Variants in PDSS2 observed in about 807,000 individuals in gnomAD.
PDSS2 encodes the protein all trans-polyprenyl-diphosphate synthase PDSS2.
In PDSS2, 31 loss-of-function variants were observed where a neutral mutation model predicts 44.5. The ratio of observed to expected loss-of-function variants is 0.70; its 90% CI spans 0.52 to 0.94. The LOEUF (loss-of-function observed/expected upper bound fraction) is 0.94, where lower values mean the gene tolerates loss of function less well. PDSS2 is among the 40% of genes least tolerant of loss of function. The pLI is 0.00. For synonymous variants in PDSS2, 157 were observed against 180.3 expected (o/e 0.87, Z 1.03); for missense variants, 452 against 482.2 (o/e 0.94, Z 0.59).
At chr6:107,429,937 T>TATATATATATATATATATATAC (rs1316596170) in intron 1 of PDSS2, among the ~76,000 whole-genome samples, 3 of 99,650 alleles carry the variant, frequency 3.0e-5, no homozygotes, top group East Asian at 3.1e-4. Flanking sequence ...TATATATATA[T>TATATATATATATATATATATAC]ACACCAAACC....
At chr6:107,355,612 G>A (rs1778575679) in intron 1 of PDSS2, among the ~76,000 whole-genome samples, 1 of 152,190 alleles carries the variant, frequency 6.6e-6, no homozygotes, top group Admixed American at 6.5e-5. Context: ...GAATACCTGA[G>A]TGATTCCACA....
chr6:107,279,273 G>A (rs374060570), intron 2 of PDSS2, among the ~76,000 whole-genome samples: 1 of 152,126 alleles, frequency 6.6e-6, no homozygotes. Context: ...ATAGTAGATC[G>A]TTGGGGAGGG....
intron 1 of PDSS2, among the ~76,000 whole-genome samples, chr6:107,445,367 A>T (rs914121981): frequency 5.3e-5 from 8 of 152,116 alleles, no homozygotes; most frequent in African/African-American, 1.9e-4. Flanking sequence ...GGACAAGTCC[A>T]CTATCCCTCA....
intron 2 of PDSS2, among the ~76,000 whole-genome samples, chr6:107,307,158 T>C (rs1582920197): frequency 6.6e-6 from 1 of 152,244 alleles, no homozygotes; most frequent in Non-Finnish European, 1.5e-5. Flanking sequence ...AAATGTACTT[T>C]AGAAGGATGT....
Position 107,430,008 on chromosome 6 carries a change from G to A in PDSS2, c.296+28982C>T, listed in dbSNP as rs181667212. On this transcript the variant is annotated intron_variant, in intron 1 of 7. Transcript: ENST00000369037. ...AATGTCTCCCCTTTACTCTTGACAA[G>A]GGTAATACCTTATTCATTGCTAAAA... is the stretch of plus-strand genomic sequence containing the variant. Among the ~76,000 whole-genome samples the A allele has an allele frequency of 5.9e-4, 85 of 144,980 alleles. 2 individuals carry two copies. In the East Asian group the frequency reaches 5.9e-3, roughly 10 times the overall value.
intron 3 of PDSS2, among the ~76,000 whole-genome samples, chr6:107,273,608 C>T (rs949651534): frequency 4.0e-5 from 6 of 151,824 alleles, no homozygotes; most frequent in East Asian, 3.9e-4. Flanking sequence ...ATTAAAAAAC[C>T]TTATACATAG....
At chr6:107,255,609 A>C (rs1387122185) in intron 3 of PDSS2, among the ~76,000 whole-genome samples, 3 of 152,024 alleles carry the variant, frequency 2.0e-5, no homozygotes, top group Non-Finnish European at 4.4e-5. Context: ...CAAAAAAAAA[A>C]AAAAACAAAC....
At chr6:107,423,711 C>A (rs1292623231) in intron 1 of PDSS2, among the ~76,000 whole-genome samples, 1 of 152,128 alleles carries the variant, frequency 6.6e-6, no homozygotes, top group Non-Finnish European at 1.5e-5. Flanking sequence ...ATGCTGAAAT[C>A]ATCAAGAAGC....
intron 1 of PDSS2, among the ~76,000 whole-genome samples, chr6:107,342,596 CATT>C (rs1778115371): frequency 6.6e-6 from 1 of 152,086 alleles, no homozygotes; most frequent in South Asian, 2.1e-4. Flanking sequence ...TTTGTTTCTT[CATT>C]TAGGAGAACT....
At chr6:107,370,701 A>G (rs1779103519) in intron 1 of PDSS2, among the ~76,000 whole-genome samples, 1 of 151,776 alleles carries the variant, frequency 6.6e-6, no homozygotes, top group African/African-American at 2.4e-5. Context: ...GCAGACATCA[A>G]TTCTAGACCT....
chr6:107,153,465 T>A lies in PDSS2; in HGVS notation c.*1154A>T, dbSNP rs1770776767. ...AGAACACTCTCACCAATGAATTCCCTAGTACAAAAATTCTGTTTCTGAAAC... is the reference window on the plus strand; with the variant it reads ...AGAACACTCTCACCAATGAATTCCCAAGTACAAAAATTCTGTTTCTGAAAC... On this transcript the variant is annotated 3_prime_UTR_variant, in exon 8 of 8. Coordinates refer to ENST00000369037, the MANE Select transcript of PDSS2 (RefSeq NM_020381.4). 1 of 152,618 alleles carries A rather than the reference T, an allele frequency of 6.6e-6. No homozygotes were observed. Among genetic ancestry groups the A allele is most frequent in the Admixed American group, 6.6e-5 (1 of 15,258 alleles). 9.5% of individuals were successfully genotyped at this position (152,618 alleles called of 1,614,324 possible).
At chr6:107,316,925 C>T (rs973208045) in intron 2 of PDSS2, among the ~76,000 whole-genome samples, 2 of 152,110 alleles carry the variant, frequency 1.3e-5, no homozygotes, top group Admixed American at 6.5e-5. Context: ...TTCTGGTAAC[C>T]AGACGTCACA....
At chr6:107,420,895 C>T (rs1468830990) in intron 1 of PDSS2, among the ~76,000 whole-genome samples, 1 of 150,308 alleles carries the variant, frequency 6.7e-6, no homozygotes, top group Non-Finnish European at 1.5e-5. Context: ...ACTCCATTAA[C>T]AAGATAAAAA....
chr6:107,457,392 T>A (rs1436496217), intron 1 of PDSS2, among the ~76,000 whole-genome samples: 1 of 152,220 alleles, frequency 6.6e-6, no homozygotes, highest in Non-Finnish European at 1.5e-5. Context: ...TAAAACTACT[T>A]CAAAATAGAA....
intron 2 of PDSS2, among the ~76,000 whole-genome samples, chr6:107,302,697 A>G (rs1039519981): frequency 9.9e-5 from 15 of 152,244 alleles, no homozygotes; most frequent in African/African-American, 3.6e-4. Flanking sequence ...AAAATATCAT[A>G]TAAGTCATAT....
chr6:107,283,212 GC>G (rs1166238320), intron 2 of PDSS2, among the ~76,000 whole-genome samples: 6 of 151,900 alleles, frequency 3.9e-5, no homozygotes, highest in African/African-American at 1.4e-4. Flanking sequence ...GTGATTCTAA[GC>G]TACTTGGGAG....
chr6:107,195,851 C>T (rs563948064), intron 6 of PDSS2, among the ~76,000 whole-genome samples: 25 of 152,302 alleles, frequency 1.6e-4, no homozygotes, highest in East Asian at 3.9e-4. Context: ...TGAGCCACTG[C>T]GCCCAGCCCT....
intron 7 of PDSS2, among the ~76,000 whole-genome samples, chr6:107,173,587 A>AAAAAAAAAAACAAAC (rs1771681248): frequency 1.3e-5 from 2 of 149,948 alleles, no homozygotes; most frequent in African/African-American, 5.0e-5. Flanking sequence ...AAAAAAAAAA[A>AAAAAAAAAAACAAAC]AAAAAAAAAA....
At chr6:107,245,447 CCATGTA>C in intron 4 of PDSS2, 95 bp downstream of exon 4, 1 of 302,018 alleles carries the variant, frequency 3.3e-6, no homozygotes, top group Non-Finnish European at 5.9e-6. Flanking sequence ...AAAAAAAAAG[CCATGTA>C]CAATTTAAAC....
Sources: gnomAD v4.1 joint callset for allele counts (sites outside exome capture counted in the v4.1 genomes callset) on GRCh38, gnomAD v4.1.1 for gene constraint, MANE v1.5 for transcripts, NCBI Gene and HGNC (gene_info 2026-07-23, HGNC 2026-07-21) for gene names.